Variants in COL4A1 observed in about 807,000 individuals in gnomAD.
COL4A1 encodes collagen type IV alpha 1 chain.
Under a neutral mutation model 216.6 loss-of-function variants are expected in COL4A1, and 40 were observed. The ratio of observed to expected loss-of-function variants is 0.18; its 90% CI spans 0.14 to 0.24. COL4A1 has a LOEUF of 0.24. Among genes scored for constraint, COL4A1 ranks in the 10% least tolerant of loss-of-function variants. The pLI is 1.00. For synonymous variants in COL4A1, 839 were observed against 810.7 expected, an observed-to-expected ratio of 1.03 and a Z score of -0.59; for missense variants, 1,628 against 2,196.8, an observed-to-expected ratio of 0.74 and a Z score of 5.18.
chr13:110,259,440 G>A (rs1197231787), intron 1 of COL4A1, among the ~76,000 whole-genome samples: 2 of 152,122 alleles, frequency 1.3e-5, no homozygotes, highest in East Asian at 3.9e-4. Context: ...AAATCTAGGT[G>A]GAGCAAAACA....
At chr13:110,283,149 T>G (rs946013203) in intron 1 of COL4A1, among the ~76,000 whole-genome samples, 1 of 152,206 alleles carries the variant, frequency 6.6e-6, no homozygotes, top group Admixed American at 6.5e-5. Context: ...CAGTTCTTCA[T>G]AGGAAAGACA....
chr13:110,175,248 G>A lies in COL4A1; in HGVS notation c.3168C>T (p.Gly1056=). ...CACCTCGCAGCCCTGGGATGCCTAT[G>A]CCAGGTGGGCCTGCCTGCCCTTTCT... ...KGEKGQAGPP[G]IGIPGLRGEK... is the part of the protein sequence containing the mutation. Residue 1056 remains glycine (G), a synonymous_variant, in exon 37 of 52, where the codon GGC becomes GGT. Transcript: ENST00000375820. The A allele has an allele frequency of 6.2e-7, 1 of 1,614,216 alleles. No individual in the cohort carries two copies. The highest frequency in any genetic ancestry group is 2.2e-5 in the East Asian group (1 of 44,888).
chr13:110,293,680 C>A (rs769352711), intron 1 of COL4A1, among the ~76,000 whole-genome samples: 87 of 152,242 alleles, frequency 5.7e-4, no homozygotes, highest in Non-Finnish European at 9.9e-4. Context: ...AGACAATTGC[C>A]AATTAAGGAA....
At chr13:110,169,929 G>A (rs999546253) in intron 42 of COL4A1, among the ~76,000 whole-genome samples, 167 bp from the exon 43 acceptor site, 1 of 140,504 alleles carries the variant, frequency 7.1e-6, no homozygotes, top group Non-Finnish European at 1.5e-5. Context: ...AGGAAGGAAG[G>A]AGGGAGGGAG....
At chr13:110,218,206 T>C (rs1880184567) in intron 2 of COL4A1, among the ~76,000 whole-genome samples, 1 of 16,900 alleles carries the variant, frequency 5.9e-5, no homozygotes, top group South Asian at 0.022. Flanking sequence ...AAATTCTTAC[T>C]GTCAAAGGCC....
chr13:110,209,921 AACCTC>A (rs1566376617), intron 10 of COL4A1, 54 bp downstream of exon 10: 7 of 1,554,102 alleles, frequency 4.5e-6, no homozygotes, highest in Non-Finnish European at 5.3e-6. Context: ...TTTATTTTCA[AACCTC>A]AATATAGTTG....
At chr13:110,284,299 AC>A (rs1883753541) in intron 1 of COL4A1, among the ~76,000 whole-genome samples, 1 of 152,146 alleles carries the variant, frequency 6.6e-6, no homozygotes, top group Non-Finnish European at 1.5e-5. Flanking sequence ...GAATCTGGGA[AC>A]CCACAAGCCA....
At chr13:110,198,415 C>T in intron 21 of COL4A1, 52 bp downstream of exon 21, 7 of 1,608,994 alleles carry the variant, frequency 4.4e-6, no homozygotes, top group Non-Finnish European at 5.9e-6. Context: ...GTCTGCCCGG[C>T]ACCCTGGTGT....
At chr13:110,252,216 G>A (rs1042626089) in intron 1 of COL4A1, among the ~76,000 whole-genome samples, 1 of 151,632 alleles carries the variant, frequency 6.6e-6, no homozygotes, top group African/African-American at 2.4e-5. Context: ...TAGAGACGTG[G>A]TTTCACCATG....
chr13:110,177,988 T>C (rs1877958802), intron 32 of COL4A1, 57 bp from the exon 33 acceptor site: 2 of 1,613,794 alleles, frequency 1.2e-6, no homozygotes, highest in African/African-American at 1.3e-5. Flanking sequence ...TGACAGTAAA[T>C]GCTGAGTCAT....
rs1355964819 is a variant in COL4A1 at position 110,212,587 on chromosome 13, T to C, written c.311A>G (p.Asn104Ser). ...TTCTATACATACGGGAAGTCCTGGG[T>C]TTCCAGGGTAGCCAGATGCTCCCGG... ...GPPGASGYPG[N>S]PGLPGIPGQD... Residue 104 changes from asparagine (N) to serine (S), a missense_variant, in exon 5 of 52, where the codon AAC (asparagine) becomes AGC (serine). Around this residue, in one of 8 missense-constraint regions of COL4A1, gnomAD observed 150 missense variants for 211.9 expected, o/e 0.71. Coordinates refer to ENST00000375820, the MANE Select transcript of COL4A1 (RefSeq NM_001845.6). 6.2e-7 allele frequency: 1 copy of C among 1,614,038 alleles called. No individual in the cohort carries two copies. The highest frequency in any genetic ancestry group is 8.5e-7 in the Non-Finnish European group (1 of 1,180,042).
chr13:110,215,577 C>A (rs111362671), intron 2 of COL4A1, among the ~76,000 whole-genome samples: 2,003 of 89,232 alleles, frequency 0.022, 45 homozygotes, highest in East Asian at 0.036. Context: ...AAAAAAAAAA[C>A]AACAACCCAT....
At position 110,166,138 on chromosome 13, in the gene COL4A1, A is replaced by T. The variant is rs952621615; in HGVS notation, c.4021+94T>A. 35 of 810,854 alleles carry T rather than the reference A, an allele frequency of 4.3e-5. No homozygotes were observed. In the African/African-American group the frequency reaches 4.4e-4, roughly 10 times the overall value. The allele number at this position is 810,854 out of a possible 1,614,324, so 50.2% of individuals were successfully genotyped here. A position where few individuals can be genotyped will look rare whatever the true frequency, so the allele number is the denominator to read the frequency against. ...TAATGATTTTTGAGTCATTTCACAT[A>T]TGAAAAACCAAACACCCCAATTCTG... On this transcript the variant is annotated intron_variant, in intron 45 of 51. Transcript: ENST00000375820.
chr13:110,306,993 A>G lies in COL4A1; in HGVS notation c.35T>C (p.Leu12Pro). ...GPRLSVWLLLLPAALLLHEEH... is the reference protein window; with the variant it reads ...GPRLSVWLLLPPAALLLHEEH... ...CTCGTGGAGCAGAAGGGCGGCGGGC[A>G]GCAGCAGCAGCCAGACGCTGAGCCG... Residue 12 changes from leucine (L) to proline (P), a missense_variant, in exon 1 of 52, where the codon CTG becomes CCG. By Grantham distance (98) the Leu-to-Pro change is moderately conservative. This residue lies in a region of COL4A1 where 74 missense variants were observed against 61.7 expected (regional missense o/e 1.20). Transcript: ENST00000375820. 6.8e-7 allele frequency: 1 copy of G among 1,469,508 alleles called. No homozygotes were observed. Among genetic ancestry groups the G allele is most frequent in the Non-Finnish European group, 9.0e-7 (1 of 1,115,046 alleles). The allele number at this position is 1,469,508 out of a possible 1,614,324, so 91.0% of individuals were successfully genotyped here. A position where few individuals can be genotyped will look rare whatever the true frequency, so the allele number is the denominator to read the frequency against.
intron 1 of COL4A1, among the ~76,000 whole-genome samples, chr13:110,291,372 T>G (rs1884081385): frequency 6.6e-6 from 1 of 152,212 alleles, no homozygotes; most frequent in South Asian, 2.1e-4. Context: ...CCATGCCATC[T>G]CCTCACAGCT....
intron 24 of COL4A1, among the ~76,000 whole-genome samples, chr13:110,187,547 A>C (rs956993453): frequency 1.3e-5 from 2 of 152,066 alleles, no homozygotes; most frequent in African/African-American, 2.4e-5. Flanking sequence ...ACTTATCTTA[A>C]TTAGATATTT....
chr13:110,272,272 TAGAC>T (rs1289605443), intron 1 of COL4A1, among the ~76,000 whole-genome samples: 2 of 152,218 alleles, frequency 1.3e-5, no homozygotes, highest in African/African-American at 2.4e-5. Context: ...CATTTTTCCA[TAGAC>T]AGAGAAAGTA....
intron 21 of COL4A1, 99 bp from the exon 22 acceptor site, chr13:110,195,217 G>A (rs1878832484): frequency 1.0e-6 from 1 of 967,202 alleles, no homozygotes; most frequent in African/African-American, 1.6e-5. Flanking sequence ...TAGGCTATTT[G>A]ACAAGTGTTA....
chr13:110,211,723 A>G lies in COL4A1; in HGVS notation c.442-50T>C, dbSNP rs747328448. On this transcript the variant is annotated intron_variant, in intron 7 of 51. Transcript: ENST00000375820. The surrounding 1 kb of genome is among the most constrained non-coding windows in gnomAD (Gnocchi z 4.3). Reference sequence around the variant, plus strand: ...GTTTTGTTTTTCTCAAAATATCATTAGCATTAAAATTGTTATCATGTAATA... The same window carrying G: ...GTTTTGTTTTTCTCAAAATATCATTGGCATTAAAATTGTTATCATGTAATA... The G allele has an allele frequency of 2.5e-6, 4 of 1,569,998 alleles. No homozygotes were observed. The highest frequency in any genetic ancestry group is 1.4e-5 in the African/African-American group (1 of 73,816).
Sources: gnomAD v4.1 joint callset for allele counts (sites outside exome capture counted in the v4.1 genomes callset) on GRCh38, gnomAD v4.1.1 for gene constraint, gnomAD v4.1.1 regional missense constraint, Gnocchi (gnomAD v3.1) non-coding constraint, MANE v1.5 for transcripts, NCBI Gene and HGNC (gene_info 2026-07-23, HGNC 2026-07-21) for gene names.